The following CRB1 variants were observed in gnomAD, a reference collection of about 807,000 sequenced individuals.
CRB1 encodes protein crumbs homolog 1.
In CRB1, 83 loss-of-function variants were observed where a neutral mutation model predicts 120.0. The observed-to-expected ratio is 0.69, with a 90% confidence interval of 0.58 to 0.83. The LOEUF (loss-of-function observed/expected upper bound fraction) is 0.83. Ranked by LOEUF, CRB1 falls within the 40% of genes least tolerant of loss-of-function variation. The pLI is 0.00. For missense variants in CRB1, 1,699 were observed against 1,687.6 expected (o/e 1.01, Z -0.12); for synonymous variants, 625 against 612.5 (o/e 1.02, Z -0.30).
intron 5 of CRB1, among the ~76,000 whole-genome samples, chr1:197,380,289 C>A (rs1378050129): frequency 6.6e-6 from 1 of 152,144 alleles, no homozygotes; most frequent in African/African-American, 2.4e-5. Flanking sequence ...TGAGTTTTAG[C>A]ATCATTGACC....
At chr1:197,327,091 CAAAAAAAAAAAAAAAAAAAAAAAAA>C (rs71131753) in intron 1 of CRB1, among the ~76,000 whole-genome samples, 5 of 25,708 alleles carry the variant, frequency 1.9e-4, no homozygotes, top group African/African-American at 3.9e-4. Context: ...TCTCACACAC[CAAAAAAAAAAAAAAAAAAAAAAAAA>C]AAAAAAAAAA....
Position 197,421,866 on chromosome 1 carries a change from C to T in CRB1, c.2038C>T (p.Pro680Ser). The change falls in exon 6 of 12, where the codon CCT (proline) becomes TCT (serine). Residue 680 changes from proline to serine, a missense_variant. By Grantham distance (74) the Pro-to-Ser change is moderately conservative. Transcript: ENST00000367400. The stretch of plus-strand genomic sequence containing the variant: ...GAGAAAGGATTGGTGTGAAAGCCAA[C>T]CTTGTCAAAGCAGAGGACGCTGCAT... Reference protein sequence around the residue: ...CVRKDWCESQPCQSRGRCINL... With the variant: ...CVRKDWCESQSCQSRGRCINL... 1 of 1,614,208 alleles carries T rather than the reference C, an allele frequency of 6.2e-7. No individual in the cohort carries two copies. The highest frequency in any genetic ancestry group is 8.5e-7 in the Non-Finnish European group (1 of 1,180,046).
At chr1:197,309,949 T>C (rs1045867614) in intron 1 of CRB1, among the ~76,000 whole-genome samples, 12 of 152,124 alleles carry the variant, frequency 7.9e-5, no homozygotes, top group Admixed American at 5.9e-4. Flanking sequence ...ACAATATGTT[T>C]ATACAAGGAA....
In CRB1 at chr1:197,316,775, C is replaced by A. The variant is rs1193489920; in HGVS notation, c.71-11647C>A. ...ACACCCCAATGACTTCACCAAAAAA[C>A]CATTAAAATTAATAAACAAGTTCAG... is the stretch of plus-strand genomic sequence containing the variant. On this transcript the variant is annotated intron_variant, in intron 1 of 11. Coordinates refer to ENST00000367400, the MANE Select transcript of CRB1 (RefSeq NM_201253.3). Among the ~76,000 whole-genome samples, 4 of 151,858 alleles carry A rather than the reference C, an allele frequency of 2.6e-5. No individual in the cohort carries two copies. The South Asian group carries it at 6.2e-4, about 24-fold the overall frequency.
the CRB1 span, chr1:197,223,245 G>A: frequency 2.3e-5 from 23 of 1,006,146 alleles, no homozygotes; most frequent in East Asian, 3.8e-4. Context: ...CAGAAGATTC[G>A]AATAGATTGA....
At chr1:197,274,596 C>T (rs777469693) in intron 1 of CRB1, among the ~76,000 whole-genome samples, 1 of 152,186 alleles carries the variant, frequency 6.6e-6, no homozygotes, top group Non-Finnish European at 1.5e-5. Context: ...CTCTTCTCTA[C>T]ACCCTTGATT....
At chr1:197,387,683 T>C (rs1662286496) in intron 5 of CRB1, among the ~76,000 whole-genome samples, 1 of 152,084 alleles carries the variant, frequency 6.6e-6, no homozygotes, top group Admixed American at 6.6e-5. Context: ...CAATTTTTTA[T>C]TGGGTGCAAC....
At chr1:197,422,023 C>A in intron 6 of CRB1, 67 bp downstream of exon 6, 1 of 1,436,198 alleles carries the variant, frequency 7.0e-7, no homozygotes, top group South Asian at 1.2e-5. Flanking sequence ...ACAGCAAAAA[C>A]AGCCAGACTG....
At chr1:197,336,041 C>T (rs751061224) in intron 2 of CRB1, among the ~76,000 whole-genome samples, 3 of 152,226 alleles carry the variant, frequency 2.0e-5, no homozygotes, top group Non-Finnish European at 4.4e-5. Flanking sequence ...CATGCAGTGT[C>T]TTTCACGTAC....
intron 5 of CRB1, among the ~76,000 whole-genome samples, chr1:197,362,239 A>C (rs1660807919): frequency 6.6e-6 from 1 of 152,114 alleles, no homozygotes; most frequent in African/African-American, 2.4e-5. Context: ...AATTATTTCA[A>C]ATTTGTTGGG....
At position 197,421,388 on chromosome 1, in the gene CRB1, G is replaced by C; in HGVS notation, c.1560G>C (p.Met520Ile). 6.2e-7 allele frequency: 1 copy of C among 1,614,216 alleles called. No homozygotes were observed. Among genetic ancestry groups the C allele is most frequent in the Non-Finnish European group, 8.5e-7 (1 of 1,180,036 alleles). ...IALRFQTVQP[M>I]ALLLFRSNRD... Reference sequence around the variant, plus strand: ...TCAGGTTTCAGACTGTTCAGCCAATGGCTCTTCTACTTTTCCGAAGCAACA... The same window carrying C: ...TCAGGTTTCAGACTGTTCAGCCAATCGCTCTTCTACTTTTCCGAAGCAACA... Residue 520 changes from methionine (M) to isoleucine (I), a missense_variant, in exon 6 of 12, where the codon ATG becomes ATC. Coordinates refer to ENST00000367400, the MANE Select transcript of CRB1 (RefSeq NM_201253.3).
At chr1:197,286,766 A>G (rs953534849) in intron 1 of CRB1, among the ~76,000 whole-genome samples, 40 of 151,936 alleles carry the variant, frequency 2.6e-4, no homozygotes, top group Admixed American at 1.3e-4. Flanking sequence ...GAAATCACTG[A>G]CATAGTTCCC....
intron 11 of CRB1, among the ~76,000 whole-genome samples, chr1:197,453,919 GATATTATTATATTATTAATAATATATA>G (rs1666141633): frequency 4.1e-5 from 1 of 24,612 alleles, no homozygotes; most frequent in Non-Finnish European, 8.4e-5. Flanking sequence ...ATATATTATT[GATATTATTATATTATTAATAATATATA>G]TTATTGATAT....
intron 5 of CRB1, among the ~76,000 whole-genome samples, chr1:197,416,630 A>G (rs573176294): frequency 5.5e-4 from 83 of 152,202 alleles, no homozygotes; most frequent in Non-Finnish European, 1.1e-3. Context: ...AAGAAATAAA[A>G]ACACAAGATG....
intron 1 of CRB1, among the ~76,000 whole-genome samples, chr1:197,291,599 A>C (rs1168695728): frequency 1.3e-5 from 2 of 151,868 alleles, no homozygotes; most frequent in African/African-American, 4.8e-5. Context: ...CTACAGTAAA[A>C]GCAAAATTAG....
chr1:197,452,934 C>T (rs1289311365), intron 11 of CRB1, among the ~76,000 whole-genome samples: 1 of 152,054 alleles, frequency 6.6e-6, no homozygotes, highest in Non-Finnish European at 1.5e-5. Context: ...TCTGCATTCC[C>T]ATATTCATTT....
At chr1:197,208,217 T>C in the CRB1 span, among the ~76,000 whole-genome samples, 1,192 of 152,330 alleles carry the variant, frequency 7.8e-3, 14 homozygotes, top group African/African-American at 0.024. Flanking sequence ...ATTCTTTTTC[T>C]GGCAATTCAG....
chr1:197,417,630 C>T (rs1248970079), intron 5 of CRB1, among the ~76,000 whole-genome samples: 2 of 152,176 alleles, frequency 1.3e-5, no homozygotes, highest in Non-Finnish European at 2.9e-5. Context: ...GAGTGAGTCT[C>T]AGCTGCAGGA....
chr1:197,220,392 G>A, the CRB1 span, among the ~76,000 whole-genome samples: 2 of 152,136 alleles, frequency 1.3e-5, no homozygotes, highest in Non-Finnish European at 1.5e-5. Context: ...CATTGGATTA[G>A]GCATTCAAGA....
Sources: allele counts gnomAD v4.1 joint callset (sites outside exome capture counted in the v4.1 genomes callset), GRCh38; gene constraint gnomAD v4.1.1; transcripts MANE v1.5; gene names NCBI Gene and HGNC (gene_info 2026-07-23, HGNC 2026-07-21).